The following APOH variants were observed in gnomAD, a reference collection of about 807,000 sequenced individuals.
The protein encoded by APOH is apolipoprotein H, also known as beta-2-glycoprotein 1.
In APOH, 48 loss-of-function variants were observed where a neutral mutation model predicts 39.8. The observed-to-expected ratio is 1.21, with a 90% CI of 0.96 to 1.54. APOH has a LOEUF of 1.54. APOH is among the 40% of genes most tolerant of loss of function. The probability of loss-of-function intolerance (pLI) is 0.00; values close to 1 mark genes in which losing one functional copy is unlikely to be tolerated. For synonymous variants in APOH, 153 were observed against 151.1 expected (o/e 1.01, Z -0.09); for missense variants, 415 against 421.2 (o/e 0.99, Z 0.13).
chr17:66,214,022 C>T (rs2073349989), intron 7 of APOH, among the ~76,000 whole-genome samples: 1 of 151,990 alleles, frequency 6.6e-6, no homozygotes, highest in Admixed American at 6.6e-5. Context: ...CCCTCTCACC[C>T]CTCTTTTTAA....
intron 7 of APOH, among the ~76,000 whole-genome samples, chr17:66,213,262 T>C (rs1235731028): frequency 6.6e-6 from 1 of 152,248 alleles, no homozygotes; most frequent in East Asian, 1.9e-4. Context: ...ATCAGAGACA[T>C]TTCAACCCTA....
rs2073413345 is a variant in APOH at position 66,223,291 on chromosome 17, T to C, written c.415+407A>G. Among the ~76,000 whole-genome samples, 4 of 152,228 alleles carry C rather than the reference T, an allele frequency of 2.6e-5. No individual in the cohort carries two copies. In the South Asian group the frequency reaches 8.3e-4, roughly 32 times the overall value. On this transcript the variant is annotated intron_variant, in intron 4 of 7. Transcript: ENST00000205948. ...TTGAATAAGTTAATAAATGAATGAA[T>C]GAATTCCAGAGTGGGAGGAAGATGT...
At chr17:66,214,396 CT>C in intron 7 of APOH, 56 bp downstream of exon 7, 1 of 1,496,088 alleles carries the variant, frequency 6.7e-7, no homozygotes, top group South Asian at 1.1e-5. Context: ...AACAAAGGCT[CT>C]GATTATGATG....
chr17:66,215,706 G>A (rs2073361015), intron 6 of APOH, among the ~76,000 whole-genome samples: 1 of 152,146 alleles, frequency 6.6e-6, no homozygotes. Flanking sequence ...ATGGGATCAA[G>A]GGTAGACACC....
chr17:66,224,598 A>C (rs985119526), intron 3 of APOH, among the ~76,000 whole-genome samples: 28 of 139,172 alleles, frequency 2.0e-4, no homozygotes, highest in Non-Finnish European at 4.1e-4. Flanking sequence ...GGAAAGAGAA[A>C]GAAAGAAAGA....
chr17:66,212,322 G>A (rs1295037462), intron 7 of APOH, 134 bp from the exon 8 acceptor site: 5 of 685,514 alleles, frequency 7.3e-6, no homozygotes, highest in Non-Finnish European at 1.3e-5. Flanking sequence ...ACCATTTAGT[G>A]TGAGGTTTAA....
At chr17:66,218,373 A>G (rs1045214132) in intron 5 of APOH, among the ~76,000 whole-genome samples, 8 of 151,722 alleles carry the variant, frequency 5.3e-5, no homozygotes, top group Non-Finnish European at 1.0e-4. Context: ...GCAGTGGTGC[A>G]ATCTTGGCTC....
chr17:66,218,472 C>G (rs2073378793), intron 5 of APOH, among the ~76,000 whole-genome samples: 2 of 152,094 alleles, frequency 1.3e-5, no homozygotes. Flanking sequence ...CCACACCCAG[C>G]TAATTTTTGT....
rs778339607 is a variant in APOH, at chr17:66,229,327, A to G, written c.53T>C (p.Ile18Thr). Residue 18 changes from isoleucine to threonine, a missense_variant, in exon 1 of 8, where the codon ATT (isoleucine) becomes ACT (threonine). Physicochemically the swap from Ile to Thr is moderately conservative, Grantham distance 89 (BLOSUM62 -1). Around this residue, in one of 3 missense-constraint regions of APOH, gnomAD observed 288 missense variants for 284.9 expected, o/e 1.01. Transcript: ENST00000205948. ...CAAAAAGTACTTACTCCGTCCTGCA[A>G]TAGCAACATGGCAGAGAAAACTCGA... ...LFSSFLCHVA[I>T]AGRTCPKPDD... 2.1e-5 allele frequency: 34 copies of G among 1,613,618 alleles called. 1 individual carries two copies. The highest frequency in any genetic ancestry group is 1.9e-5 in the Non-Finnish European group (23 of 1,179,750).
chr17:66,228,706 C>T (rs1032972639), intron 1 of APOH: 4 of 150,696 alleles, frequency 2.7e-5, no homozygotes, highest in African/African-American at 4.9e-5. Context: ...GAAGCTGAAG[C>T]AGGAGAATGG....
chr17:66,226,563 A>C (rs976111216), intron 2 of APOH, among the ~76,000 whole-genome samples: 13 of 150,242 alleles, frequency 8.7e-5, no homozygotes, highest in Non-Finnish European at 1.8e-4. Flanking sequence ...TGAACCCAGG[A>C]GGCAGAGGGT....
chr17:66,226,162 G>C (rs573764122), intron 2 of APOH, 38 bp from the exon 3 acceptor site: 2 of 1,438,612 alleles, frequency 1.4e-6, no homozygotes, highest in South Asian at 2.6e-5. Flanking sequence ...TTTTCTTTGG[G>C]CTAAAAAAAA....
At position 66,217,039 on chromosome 17, in the gene APOH, C is replaced by T. The variant is rs576811218; in HGVS notation, c.605-72G>A. 5.8e-5 allele frequency: 73 copies of T among 1,266,036 alleles called. 1 individual carries two copies. The South Asian group carries it at 1.1e-3, about 19-fold the overall frequency. The allele number at this position is 1,266,036 out of a possible 1,614,324, so 78.4% of individuals were successfully genotyped here. A position where few individuals can be genotyped will look rare whatever the true frequency, so the allele number is the denominator to read the frequency against. On this transcript the variant is annotated intron_variant, in intron 5 of 7. Coordinates refer to ENST00000205948, the MANE Select transcript of APOH (RefSeq NM_000042.3). The stretch of plus-strand genomic sequence containing the variant: ...CCAATAGTCATGAAATAGTTACATC[C>T]TTGTCTCTGTCACACCACTGAATCA...
Position 66,220,731 on chromosome 17 carries a change from G to A in APOH, c.427C>T (p.Pro143Ser). The change falls in exon 5 of 8, where the codon CCT becomes TCT. Residue 143 changes from proline to serine, a missense_variant. This residue lies in a region of APOH where 288 missense variants were observed against 284.9 expected (regional missense o/e 1.01). Transcript: ENST00000205948. Reference sequence around the variant, plus strand: ...GCAAACGTAGGTATGGATGGTGGAGGGCAGATGATGGCTGGGAAAATAAAG... The same window carrying A: ...GCAAACGTAGGTATGGATGGTGGAGAGCAGATGATGGCTGGGAAAATAAAG... ...ELPVCAPIIC[P>S]PPSIPTFATL... 1 of 1,606,058 alleles carries A rather than the reference G, an allele frequency of 6.2e-7. No individual in the cohort carries two copies. The highest frequency in any genetic ancestry group is 8.5e-7 in the Non-Finnish European group (1 of 1,173,822).
intron 1 of APOH, among the ~76,000 whole-genome samples, chr17:66,228,882 G>C (rs1392897118): frequency 2.0e-5 from 3 of 151,790 alleles, no homozygotes; most frequent in Admixed American, 6.6e-5. Context: ...GCCCAGACTG[G>C]AGTGCAATGG....
intron 4 of APOH, among the ~76,000 whole-genome samples, chr17:66,222,505 T>C (rs544623412): frequency 2.8e-4 from 42 of 152,200 alleles, no homozygotes; most frequent in African/African-American, 1.0e-3. Flanking sequence ...AAAACTTTCG[T>C]TTTTGCTTGT....
intron 3 of APOH, among the ~76,000 whole-genome samples, chr17:66,224,505 G>A (rs1567741445): frequency 1.2e-4 from 13 of 111,492 alleles, no homozygotes; most frequent in East Asian, 5.2e-4. Context: ...AAGAAAAGAA[G>A]GAAAGGAAGG....
intron 4 of APOH, among the ~76,000 whole-genome samples, chr17:66,220,965 G>A (rs2073395481): frequency 6.6e-6 from 1 of 151,990 alleles, no homozygotes; most frequent in Non-Finnish European, 1.5e-5. Flanking sequence ...GGCTGAGGTG[G>A]GCAGATCACT....
chr17:66,214,688 T>A, intron 6 of APOH, 38 bp from the exon 7 acceptor site: 1 of 1,548,328 alleles, frequency 6.5e-7, no homozygotes, highest in Non-Finnish European at 8.9e-7. Flanking sequence ...ACTTAAGAGT[T>A]CAGGAAGTCT....
Sources: allele counts gnomAD v4.1 joint callset (sites outside exome capture counted in the v4.1 genomes callset), GRCh38; gene constraint gnomAD v4.1.1; regional missense constraint gnomAD v4.1.1; transcripts MANE v1.5; gene names NCBI Gene and HGNC (gene_info 2026-07-23, HGNC 2026-07-21).